PGBD2: variants seen among roughly 807,000 people sequenced by gnomAD.
The protein encoded by PGBD2 is piggyBac transposable element-derived protein 2.
PGBD2 carries 6 observed loss-of-function variants against 8.1 expected under a neutral mutation model. The observed-to-expected ratio is 0.74, with a 90% confidence interval of 0.40 to 1.46. The LOEUF is 1.46. Among genes scored for constraint, PGBD2 ranks in the 40% most tolerant of loss-of-function variants. PGBD2 has a pLI of 0.02. For missense variants in PGBD2, 802 were observed against 739.0 expected (o/e 1.09, Z -0.99); for synonymous variants, 318 against 272.2 (o/e 1.17, Z -1.66).
chr1:248,879,788 C>T, the PGBD2 span, among the ~76,000 whole-genome samples: 1 of 152,076 alleles, frequency 6.6e-6, no homozygotes, highest in East Asian at 1.9e-4. Context: ...AAGATTCGGA[C>T]CATATGTCAT....
chr1:248,904,291 T>A (rs147369505), upstream of PGBD2, among the ~76,000 whole-genome samples: 1 of 151,438 alleles, frequency 6.6e-6, no homozygotes, highest in African/African-American at 2.4e-5. Flanking sequence ...TTTTTTTTTT[T>A]CCCAATTCCT....
chr1:248,922,081 A>T (rs1662296666), downstream of PGBD2, among the ~76,000 whole-genome samples: 2 of 142,864 alleles, frequency 1.4e-5, no homozygotes, highest in African/African-American at 2.6e-5. Context: ...TTTTTTTGAG[A>T]CAGAGTCTCA....
chr1:248,917,256 C>T lies in PGBD2; in HGVS notation c.672C>T (p.Ile224=). 1 of 1,614,158 alleles carries T rather than the reference C, an allele frequency of 6.2e-7. No individual in the cohort carries two copies. The highest frequency in any genetic ancestry group is 8.5e-7 in the Non-Finnish European group (1 of 1,180,026). The part of the protein sequence containing the change: ...DAIRRDRFEL[I]FSYLHFADNN... ...TTAGAAGGGACAGATTTGAACTAAT[C>T]TTCTCATACTTACATTTTGCAGATA... The change falls in exon 3 of 3, where the codon ATC becomes ATT. Residue 224 remains isoleucine (I), a synonymous_variant. Coordinates refer to ENST00000329291, the MANE Select transcript of PGBD2 (RefSeq NM_170725.3).
At position 248,917,299 on chromosome 1, in the gene PGBD2, A is replaced by C. The variant is rs1265294666; in HGVS notation, c.715A>C (p.Ser239Arg). 6.2e-7 allele frequency: 1 copy of C among 1,614,090 alleles called. No individual in the cohort carries two copies. The highest frequency in any genetic ancestry group is 1.3e-5 in the African/African-American group (1 of 74,936). Residue 239 changes from serine (S) to arginine (R), a missense_variant, in exon 3 of 3, where the codon AGT becomes CGT. Ser to Arg is a moderately radical substitution (Grantham distance 110). Coordinates refer to ENST00000329291, the MANE Select transcript of PGBD2 (RefSeq NM_170725.3). Reference sequence around the variant, plus strand: ...TGCAGATAACAACGAACTTGATGCAAGTGATAGGTTTGCCAAGGTCAGACC... The same window carrying C: ...TGCAGATAACAACGAACTTGATGCACGTGATAGGTTTGCCAAGGTCAGACC... ...HFADNNELDASDRFAKVRPLI... is the reference protein window; with the variant it reads ...HFADNNELDARDRFAKVRPLI...
chr1:248,926,961 A>C, the PGBD2 span, among the ~76,000 whole-genome samples: 1 of 152,194 alleles, frequency 6.6e-6, no homozygotes, highest in South Asian at 2.1e-4. Flanking sequence ...ATACTGGACA[A>C]ATGTCTCAGC....
the PGBD2 span, among the ~76,000 whole-genome samples, chr1:248,896,925 G>A: frequency 1.3e-5 from 2 of 152,314 alleles, no homozygotes; most frequent in African/African-American, 4.8e-5. Flanking sequence ...ATGGATCTTT[G>A]CAACCCATAG....
downstream of PGBD2, among the ~76,000 whole-genome samples, chr1:248,923,127 A>G (rs1428439709): frequency 1.3e-5 from 2 of 152,090 alleles, no homozygotes; most frequent in East Asian, 3.9e-4. Flanking sequence ...TACAGTCTCA[A>G]TTTCAGAACT....
the PGBD2 span, among the ~76,000 whole-genome samples, chr1:248,880,512 T>C: frequency 6.6e-6 from 1 of 152,252 alleles, no homozygotes; most frequent in East Asian, 1.9e-4. Context: ...TCATGTTCTA[T>C]ATTCATCACT....
the PGBD2 span, among the ~76,000 whole-genome samples, chr1:248,928,905 A>T: frequency 6.6e-6 from 1 of 152,356 alleles, no homozygotes; most frequent in Admixed American, 6.5e-5. Flanking sequence ...AGCCAGACGC[A>T]TTCCTGAAGG....
At chr1:248,904,469 A>G (rs2103098492), upstream of PGBD2, among the ~76,000 whole-genome samples, 1 of 152,306 alleles carries the variant, frequency 6.6e-6, no homozygotes, top group Admixed American at 6.5e-5. Flanking sequence ...TATTAACTTT[A>G]AATTACATAT....
In PGBD2 at chr1:248,917,332, A is replaced by G. The variant is rs1662139808; in HGVS notation, c.748A>G (p.Ile250Val). The change falls in exon 3 of 3, where the codon ATC becomes GTC. Residue 250 changes from isoleucine to valine, a missense_variant. Transcript: ENST00000329291. The stretch of plus-strand genomic sequence containing the variant: ...GTTTGCCAAGGTCAGACCTCTCATC[A>G]TCCGGATGAACTGCAATTTCCAGAA... ...DRFAKVRPLI[I>V]RMNCNFQKHA... The G allele has an allele frequency of 2.5e-6, 4 of 1,614,190 alleles. No homozygotes were observed. Among genetic ancestry groups the G allele is most frequent in the East Asian group, 2.2e-5 (1 of 44,884 alleles).
In PGBD2 at chr1:248,916,588, T is replaced by C; in HGVS notation, c.18-14T>C. The C allele has an allele frequency of 1.2e-6, 2 of 1,611,168 alleles. No individual in the cohort carries two copies. Among genetic ancestry groups the C allele is most frequent in the Non-Finnish European group, 1.7e-6 (2 of 1,177,712 alleles). ...GGCATGGCCTCTTCCTGATTCTGTT[T>C]CCTGTCATAACAGAGATGTCATTGC... On this transcript the variant is annotated splice_polypyrimidine_tract_variant and intron_variant, in intron 2 of 2. Transcript: ENST00000329291.
Position 248,918,141 on chromosome 1 carries a change from C to A in PGBD2, c.1557C>A (p.Tyr519Ter), listed in dbSNP as rs1189335314. The part of the protein sequence containing the change: ...AQVDLLAFRR[Y>*]IACVYLESNA... Reference sequence around the variant, plus strand: ...TGGACCTCCTTGCCTTCCGGAGATACATTGCCTGTGTGTATCTGGAGAGCA... The same window carrying A: ...TGGACCTCCTTGCCTTCCGGAGATAAATTGCCTGTGTGTATCTGGAGAGCA... Residue 519 changes from tyrosine to a stop codon, truncating the protein, a stop_gained, in exon 3 of 3, where the codon TAC (tyrosine) becomes TAA (stop). Coordinates refer to ENST00000329291, the MANE Select transcript of PGBD2 (RefSeq NM_170725.3). LOFTEE classifies it high-confidence loss of function. 3.1e-6 allele frequency: 5 copies of A among 1,614,214 alleles called. No homozygotes were observed. In the East Asian group the frequency reaches 1.1e-4, roughly 36 times the overall value.
At chr1:248,925,490 G>T in the PGBD2 span, among the ~76,000 whole-genome samples, 2 of 151,782 alleles carry the variant, frequency 1.3e-5, no homozygotes, top group African/African-American at 4.8e-5. Flanking sequence ...CTTTTCAGAA[G>T]ATGAAGATTC....
At chr1:248,889,179 G>T in the PGBD2 span, among the ~76,000 whole-genome samples, 1 of 152,188 alleles carries the variant, frequency 6.6e-6, no homozygotes, top group Admixed American at 6.5e-5. Context: ...GAGGTCAGGA[G>T]TTCGAGACCA....
At chr1:248,874,508 A>G in the PGBD2 span, among the ~76,000 whole-genome samples, 3 of 152,178 alleles carry the variant, frequency 2.0e-5, no homozygotes, top group African/African-American at 4.8e-5. Context: ...TACTCATGAT[A>G]TCTTAAGAAC....
the PGBD2 span, among the ~76,000 whole-genome samples, chr1:248,884,173 G>A: frequency 6.6e-6 from 1 of 152,034 alleles, no homozygotes; most frequent in East Asian, 1.9e-4. Context: ...TGGCTAGTAA[G>A]ACACAAAATT....
chr1:248,907,637 G>A (rs1661705818), intron 1 of PGBD2, among the ~76,000 whole-genome samples: 1 of 152,190 alleles, frequency 6.6e-6, no homozygotes, highest in Admixed American at 6.5e-5. Context: ...TGAGACTAGA[G>A]AATGGTGATG....
At chr1:248,928,873 C>T in the PGBD2 span, among the ~76,000 whole-genome samples, 5 of 152,240 alleles carry the variant, frequency 3.3e-5, no homozygotes, top group East Asian at 7.7e-4. Context: ...ATGCATAGTT[C>T]AAATATACAA....
Sources: gnomAD v4.1 joint callset for allele counts (sites outside exome capture counted in the v4.1 genomes callset) on GRCh38, gnomAD v4.1.1 for gene constraint, MANE v1.5 for transcripts, NCBI Gene and HGNC (gene_info 2026-07-23, HGNC 2026-07-21) for gene names.